Variants in VXN observed in about 807,000 individuals in gnomAD.
The protein encoded by VXN is vexin.
VXN carries 7 observed loss-of-function variants against 23.1 expected under a neutral mutation model. The ratio of observed to expected loss-of-function variants is 0.30; its 90% CI spans 0.17 to 0.57. The LOEUF is 0.57. Ranked by LOEUF, VXN falls within the 20% of genes least tolerant of loss-of-function variation. VXN has a pLI of 0.91. For synonymous variants in VXN, 120 were observed against 105.8 expected, an observed-to-expected ratio of 1.13 and a Z score of -0.83; for missense variants, 238 against 272.6, an observed-to-expected ratio of 0.87 and a Z score of 0.89.
chr8:66,513,637 G>A lies in VXN; in HGVS notation c.440G>A (p.Gly147Glu). The change falls in exon 5 of 6, where the codon GGA becomes GAA. Residue 147 changes from glycine (G) to glutamate (E), a missense_variant and splice_region_variant. Gly to Glu is a moderately conservative substitution (Grantham distance 98). Coordinates refer to ENST00000305454, the MANE Select transcript of VXN (RefSeq NM_152765.4). ...GTEKGAVLMR[G>E]SRHLKKMTEE... ...GAGAAGGGAGCTGTTCTGATGAGAG[G>A]GTAAGTGCTGCGTCTCTGGCCCCAC... is the stretch of plus-strand genomic sequence containing the variant. The A allele has an allele frequency of 1.2e-6, 2 of 1,613,482 alleles. No individual in the cohort carries two copies. Among genetic ancestry groups the A allele is most frequent in the Non-Finnish European group, 8.5e-7 (1 of 1,179,470 alleles).
At chr8:66,493,910 T>A (rs1451530033) in intron 1 of VXN, among the ~76,000 whole-genome samples, 192 bp downstream of exon 1, 1 of 152,024 alleles carries the variant, frequency 6.6e-6, no homozygotes, top group Non-Finnish European at 1.5e-5. Flanking sequence ...TGAGAAACAA[T>A]CCATCAAGGG....
chr8:66,496,501 A>G lies in VXN; in HGVS notation c.126+9A>G, dbSNP rs767456234. ...ACCTCTTGACCAAGAATGTAAGGAAACTTTAGTTTTGATGTTCTTTGGTTG... is the reference window on the plus strand; with the variant it reads ...ACCTCTTGACCAAGAATGTAAGGAAGCTTTAGTTTTGATGTTCTTTGGTTG... On this transcript the variant is annotated intron_variant, in intron 2 of 5. Coordinates refer to ENST00000305454, the MANE Select transcript of VXN (RefSeq NM_152765.4). 6 of 1,613,584 alleles carry G rather than the reference A, an allele frequency of 3.7e-6. No homozygotes were observed. Among genetic ancestry groups the G allele is most frequent in the African/African-American group, 1.3e-5 (1 of 74,912 alleles).
At position 66,518,063 on chromosome 8, in the gene VXN, T is replaced by C. The variant is rs1393549819; in HGVS notation, c.*1987T>C. 6.6e-6 allele frequency: 1 copy of C among 152,272 alleles called. No individual in the cohort carries two copies. Among genetic ancestry groups the C allele is most frequent in the African/African-American group, 2.4e-5 (1 of 41,468 alleles). The allele number at this position is 152,272 out of a possible 1,614,324, so 9.4% of individuals were successfully genotyped here. A position where few individuals can be genotyped will look rare whatever the true frequency, so the allele number is the denominator to read the frequency against. ...GAGACCTGGGCATCAAGTGCTCTTT[T>C]AAGAAGGGGCTATCCCAGAGGACTG... On this transcript the variant is annotated 3_prime_UTR_variant, in exon 6 of 6. Coordinates refer to ENST00000305454, the MANE Select transcript of VXN (RefSeq NM_152765.4).
intron 1 of VXN, among the ~76,000 whole-genome samples, chr8:66,494,107 A>T (rs1807598481): frequency 6.6e-6 from 1 of 152,126 alleles, no homozygotes; most frequent in Admixed American, 6.6e-5. Context: ...AGCTGGCTTA[A>T]AAGTATGATT....
chr8:66,514,841 C>A (rs963015745), intron 5 of VXN, among the ~76,000 whole-genome samples: 5 of 152,154 alleles, frequency 3.3e-5, no homozygotes, highest in African/African-American at 7.2e-5. Flanking sequence ...ATGTTGGATG[C>A]AAGCAGGCGG....
In VXN at chr8:66,505,480, A is replaced by C; in HGVS notation, c.232A>C (p.Thr78Pro). The C allele has an allele frequency of 1.3e-6, 2 of 1,572,338 alleles. No individual in the cohort carries two copies. Among genetic ancestry groups the C allele is most frequent in the Non-Finnish European group, 1.7e-6 (2 of 1,160,454 alleles). ...CCGCCGCAGGTTTGGGCGGCTCCAG[A>C]CCGCGCGGCCGCCCACAGCCCACCC... is the stretch of plus-strand genomic sequence containing the variant. ...GDRRRFGRLQ[T>P]ARPPTAHPAK... Residue 78 changes from threonine to proline, a missense_variant, in exon 3 of 6, where the codon ACC becomes CCC. Physicochemically the swap from Thr to Pro is conservative, Grantham distance 38. Around this residue, in one of 2 missense-constraint regions of VXN, gnomAD observed 223 missense variants for 236.9 expected, o/e 0.94. Coordinates refer to ENST00000305454, the MANE Select transcript of VXN (RefSeq NM_152765.4).
At chr8:66,500,224 G>A (rs1301485260) in intron 2 of VXN, among the ~76,000 whole-genome samples, 1 of 152,066 alleles carries the variant, frequency 6.6e-6, no homozygotes, top group Non-Finnish European at 1.5e-5. Context: ...TGATTCCGAG[G>A]ATAAATTCAT....
chr8:66,499,641 CGTCTCCTGGGTTCAAGCAATTCTTCT>C (rs1563505787), intron 2 of VXN, among the ~76,000 whole-genome samples: 1 of 151,946 alleles, frequency 6.6e-6, no homozygotes, highest in Non-Finnish European at 1.5e-5. Flanking sequence ...CTGCAACCTC[CGTCTCCTGGGTTCAAGCAATTCTTCT>C]GCCTCAGCCT....
chr8:66,497,725 C>G (rs1271293584), intron 2 of VXN, among the ~76,000 whole-genome samples: 1 of 152,134 alleles, frequency 6.6e-6, no homozygotes, highest in East Asian at 1.9e-4. Flanking sequence ...AAAGCCTATT[C>G]TCCATTAAAA....
chr8:66,510,738 G>T (rs949849739), intron 4 of VXN, among the ~76,000 whole-genome samples: 33 of 152,090 alleles, frequency 2.2e-4, no homozygotes, highest in African/African-American at 6.3e-4. Context: ...TCTCACTGTG[G>T]GTTCACATGG....
At chr8:66,515,443 C>T (rs1414411877) in intron 5 of VXN, among the ~76,000 whole-genome samples, 1 of 152,220 alleles carries the variant, frequency 6.6e-6, no homozygotes, top group Non-Finnish European at 1.5e-5. Flanking sequence ...CCATTTTGCA[C>T]ATGAAGAAAC....
rs374111910 is a variant in VXN, at chr8:66,513,091, G to A, written c.343-449G>A. ...CTGCAGCGGAGGAAACGGAGAGGCT[G>A]GGCTGGCCCTACCCTACGTAGCCTA... On this transcript the variant is annotated intron_variant, in intron 4 of 5. Transcript: ENST00000305454. 2.0e-5 allele frequency among the ~76,000 whole-genome samples: 3 copies of A among 152,188 alleles called. No homozygotes were observed. The East Asian group carries it at 5.8e-4, about 29-fold the overall frequency.
chr8:66,497,785 G>C (rs780252989), intron 2 of VXN, among the ~76,000 whole-genome samples: 56 of 152,122 alleles, frequency 3.7e-4, no homozygotes, highest in Non-Finnish European at 6.9e-4. Context: ...CCAGCACTTT[G>C]GGAGGTTGAA....
At chr8:66,499,565 T>G (rs1029140665) in intron 2 of VXN, among the ~76,000 whole-genome samples, 6 of 151,834 alleles carry the variant, frequency 4.0e-5, no homozygotes, top group African/African-American at 1.5e-4. Context: ...TTTGTTTGTT[T>G]GTTTGTTTGA....
At chr8:66,511,762 A>G (rs12541034) in intron 4 of VXN, among the ~76,000 whole-genome samples, 7,290 of 152,138 alleles carry the variant, frequency 0.048, 344 homozygotes, top group East Asian at 0.16. Context: ...TACAAAGAGG[A>G]GGAATAAGAA....
intron 3 of VXN, among the ~76,000 whole-genome samples, chr8:66,505,914 C>T (rs1280895135): frequency 1.3e-5 from 2 of 152,186 alleles, no homozygotes; most frequent in African/African-American, 2.4e-5. Context: ...CCTCAGCCTC[C>T]CTGGGACTAC....
chr8:66,496,913 T>C (rs774368719), intron 2 of VXN, among the ~76,000 whole-genome samples: 2 of 151,124 alleles, frequency 1.3e-5, no homozygotes, highest in Non-Finnish European at 2.9e-5. Context: ...TGAGATGGAG[T>C]CTCTCTCTGT....
intron 2 of VXN, among the ~76,000 whole-genome samples, chr8:66,498,565 G>C (rs1222587636): frequency 1.3e-5 from 2 of 152,150 alleles, no homozygotes; most frequent in Non-Finnish European, 2.9e-5. Context: ...TGAAACCATG[G>C]ATAGTACTGA....
At position 66,512,354 on chromosome 8, in the gene VXN, G is replaced by A. The variant is rs1019376627; in HGVS notation, c.343-1186G>A. On this transcript the variant is annotated intron_variant, in intron 4 of 5. Coordinates refer to ENST00000305454, the MANE Select transcript of VXN (RefSeq NM_152765.4). ...CATAATGGGAAGGAAGCGTTTGCACGGACCACAAGGTGGCACAGCAGCTCT... is the reference window on the plus strand; with the variant it reads ...CATAATGGGAAGGAAGCGTTTGCACAGACCACAAGGTGGCACAGCAGCTCT... 4.6e-5 allele frequency among the ~76,000 whole-genome samples: 7 copies of A among 152,320 alleles called. No homozygotes were observed. In the East Asian group the frequency reaches 7.7e-4, roughly 17 times the overall value.
Sources: gnomAD v4.1 joint callset for allele counts (sites outside exome capture counted in the v4.1 genomes callset) on GRCh38, gnomAD v4.1.1 for gene constraint, gnomAD v4.1.1 regional missense constraint, MANE v1.5 for transcripts, NCBI Gene and HGNC (gene_info 2026-07-23, HGNC 2026-07-21) for gene names.